The following ADGRV1 variants were observed in gnomAD, a reference collection of about 807,000 sequenced individuals.
The protein encoded by ADGRV1 is G-protein coupled receptor 98.
Under a neutral mutation model 596.2 loss-of-function variants are expected in ADGRV1, and 359 were observed. The observed-to-expected ratio is 0.60, with a 90% CI of 0.55 to 0.66. The LOEUF is 0.66. Among genes scored for constraint, ADGRV1 ranks in the 30% least tolerant of loss-of-function variants. The pLI, the probability that ADGRV1 is intolerant of heterozygous loss-of-function variation, is 0.00. For synonymous variants in ADGRV1, 2,681 were observed against 2,679.2 expected (o/e 1.00, Z -0.02); for missense variants, 7,274 against 7,575.6 (o/e 0.96, Z 1.48).
chr5:91,031,580 C>T (rs964471407), intron 85 of ADGRV1, among the ~76,000 whole-genome samples: 2 of 152,160 alleles, frequency 1.3e-5, no homozygotes, highest in Non-Finnish European at 2.9e-5. Flanking sequence ...TGGCAGGTCA[C>T]ACCCCACTCC....
In ADGRV1 at chr5:90,773,935, C is replaced by T. The variant is rs770287517; in HGVS notation, c.12286-251C>T. On this transcript the variant is annotated intron_variant, in intron 59 of 89. Coordinates refer to ENST00000405460, the MANE Select transcript of ADGRV1 (RefSeq NM_032119.4). ...CTTTCTTTAAAGATTGGATTTTCAACGGTTAACATTTTTCAGTAAATTTAG... is the reference window on the plus strand; with the variant it reads ...CTTTCTTTAAAGATTGGATTTTCAATGGTTAACATTTTTCAGTAAATTTAG... 7.2e-5 allele frequency among the ~76,000 whole-genome samples: 11 copies of T among 152,234 alleles called. No individual in the cohort carries two copies. In the South Asian group the frequency reaches 1.9e-3, roughly 26 times the overall value.
intron 87 of ADGRV1, among the ~76,000 whole-genome samples, chr5:91,133,872 C>T (rs1794415821): frequency 6.6e-6 from 1 of 152,124 alleles, no homozygotes; most frequent in African/African-American, 2.4e-5. Context: ...ATTAATTAGG[C>T]AATAACTGTG....
chr5:90,940,934 G>A (rs1325745947), intron 83 of ADGRV1, among the ~76,000 whole-genome samples: 1 of 152,162 alleles, frequency 6.6e-6, no homozygotes, highest in Non-Finnish European at 1.5e-5. Context: ...CTTCTGTGAA[G>A]GAGACACAGA....
chr5:90,918,333 C>T (rs771138970), intron 83 of ADGRV1, among the ~76,000 whole-genome samples: 13 of 152,128 alleles, frequency 8.5e-5, no homozygotes, highest in Non-Finnish European at 1.6e-4. Context: ...AGCCCAGATC[C>T]GGAGAGAAAT....
At position 90,849,476 on chromosome 5, in the gene ADGRV1, G is replaced by A. The variant is rs547859775; in HGVS notation, c.17204+655G>A. Among the ~76,000 whole-genome samples the A allele has an allele frequency of 1.1e-4, 16 of 152,046 alleles. No individual in the cohort carries two copies. The East Asian group carries it at 1.4e-3, about 13-fold the overall frequency. Reference sequence around the variant, plus strand: ...GGGGTCTCGGCTCACTTCAACCTCCGCCTCCTAGGCTTGGGTGATTCTCTC... The same window carrying A: ...GGGGTCTCGGCTCACTTCAACCTCCACCTCCTAGGCTTGGGTGATTCTCTC... On this transcript the variant is annotated intron_variant, in intron 79 of 89. Transcript: ENST00000405460.
intron 85 of ADGRV1, among the ~76,000 whole-genome samples, chr5:91,028,625 A>G (rs1486357628): frequency 6.6e-6 from 1 of 151,574 alleles, no homozygotes; most frequent in Admixed American, 6.6e-5. Context: ...AGTTTAAGAC[A>G]TCTCTACCAT....
chr5:90,781,355 A>T, intron 64 of ADGRV1, 75 bp from the exon 65 acceptor site: 1 of 1,128,846 alleles, frequency 8.9e-7, no homozygotes, highest in East Asian at 2.6e-5. Context: ...AGGATCTTTT[A>T]ATTCATGCTA....
chr5:90,999,717 T>C (rs1781708075), intron 85 of ADGRV1, among the ~76,000 whole-genome samples: 1 of 152,062 alleles, frequency 6.6e-6, no homozygotes, highest in Admixed American at 6.5e-5. Flanking sequence ...AGATTTCCAG[T>C]TGGAAAACTG....
chr5:90,916,628 C>T (rs994482651), intron 83 of ADGRV1, among the ~76,000 whole-genome samples: 1 of 97,168 alleles, frequency 1.0e-5, no homozygotes, highest in Non-Finnish European at 2.1e-5. Context: ...TCAGCGTTCA[C>T]AAATTTTTTT....
chr5:90,900,994 C>T (rs1771786148), intron 83 of ADGRV1, among the ~76,000 whole-genome samples: 1 of 151,986 alleles, frequency 6.6e-6, no homozygotes, highest in African/African-American at 2.4e-5. Flanking sequence ...AATTTTATTT[C>T]TATATGCAGG....
chr5:90,683,713 T>A lies in ADGRV1; in HGVS notation c.5792T>A (p.Ile1931Asn). Reference protein sequence around the residue: ...TFEIGQTSANITVEILPDEDP... With the variant: ...TFEIGQTSANNTVEILPDEDP... ...GAGATTGGGCAGACGAGCGCCAATA[T>A]CACTGTGGAGATATTGCCTGACGAA... is the stretch of plus-strand genomic sequence containing the variant. The change falls in exon 28 of 90, where the codon ATC becomes AAC. Residue 1931 changes from isoleucine to asparagine, a missense_variant. By Grantham distance (149) the Ile-to-Asn change is moderately radical (BLOSUM62 -3). Coordinates refer to ENST00000405460, the MANE Select transcript of ADGRV1 (RefSeq NM_032119.4). 1.2e-6 allele frequency: 2 copies of A among 1,613,870 alleles called. No individual in the cohort carries two copies. The highest frequency in any genetic ancestry group is 1.7e-5 in the Admixed American group (1 of 59,988).
chr5:90,753,340 G>A lies in ADGRV1; in HGVS notation c.11122-234G>A, dbSNP rs73772486. Among the ~76,000 whole-genome samples, 5,194 of 137,710 alleles carry A rather than the reference G, an allele frequency of 0.038. 136 individuals carry two copies. The highest frequency in any genetic ancestry group is 0.14 in the South Asian group (614 of 4,296). 90.3% of individuals were successfully genotyped at this position (137,710 alleles called of 152,430 possible). ...TCAGTCTCCAGTATTTGACAATTTG[G>A]CTGCATTTTTTTTTATTAGCTTAAA... On this transcript the variant is annotated intron_variant, in intron 53 of 89. Coordinates refer to ENST00000405460, the MANE Select transcript of ADGRV1 (RefSeq NM_032119.4).
intron 34 of ADGRV1, 141 bp downstream of exon 34, chr5:90,697,287 G>C: frequency 1.4e-6 from 1 of 731,248 alleles, no homozygotes; most frequent in Non-Finnish European, 2.2e-6. Flanking sequence ...GAACTTCTTT[G>C]GGAGAAGGCT....
At chr5:90,651,811 A>T (rs908223233) in intron 18 of ADGRV1, 81 bp downstream of exon 18, 3 of 893,070 alleles carry the variant, frequency 3.4e-6, no homozygotes, top group Non-Finnish European at 5.0e-6. Flanking sequence ...ATATTCCTTC[A>T]AAATTTAAAA....
At chr5:90,634,376 C>T (rs1343031406) in intron 9 of ADGRV1, among the ~76,000 whole-genome samples, 1 of 151,950 alleles carries the variant, frequency 6.6e-6, no homozygotes, top group East Asian at 1.9e-4. Flanking sequence ...GGACACAGAC[C>T]CACAAGAGCT....
Position 90,685,422 on chromosome 5 carries a change from A to G in ADGRV1, c.6275-358A>G, listed in dbSNP as rs542414851. Among the ~76,000 whole-genome samples, 4 of 152,100 alleles carry G rather than the reference A, an allele frequency of 2.6e-5. No individual in the cohort carries two copies. In the South Asian group the frequency reaches 8.3e-4, roughly 32 times the overall value. On this transcript the variant is annotated intron_variant, in intron 28 of 89. Coordinates refer to ENST00000405460, the MANE Select transcript of ADGRV1 (RefSeq NM_032119.4). Reference sequence around the variant, plus strand: ...ACATGGTGAAACCCCATCTCTACTAAAATATAAAAGAAATTAGCCGGGCAT... The same window carrying G: ...ACATGGTGAAACCCCATCTCTACTAGAATATAAAAGAAATTAGCCGGGCAT...
intron 59 of ADGRV1, among the ~76,000 whole-genome samples, chr5:90,772,115 A>G (rs1171345769): frequency 6.6e-6 from 1 of 152,196 alleles, no homozygotes; most frequent in Non-Finnish European, 1.5e-5. Context: ...ATATAAACAT[A>G]TAAAATATAG....
chr5:90,912,676 T>G (rs1184423247), intron 83 of ADGRV1, among the ~76,000 whole-genome samples: 1 of 152,124 alleles, frequency 6.6e-6, no homozygotes, highest in Non-Finnish European at 1.5e-5. Context: ...GTTATTTGGT[T>G]TTCTGTTCAT....
At chr5:90,825,690 G>T (rs2438379) in intron 76 of ADGRV1, 118,623 of 152,074 alleles carry the variant, frequency 0.78, 50,164 homozygotes, top group Non-Finnish European at 0.94. Flanking sequence ...AAGTATAGGT[G>T]GGGTTAGGGT....
Sources: gnomAD v4.1 joint callset for allele counts (sites outside exome capture counted in the v4.1 genomes callset) on GRCh38, gnomAD v4.1.1 for gene constraint, MANE v1.5 for transcripts, NCBI Gene and HGNC (gene_info 2026-07-23, HGNC 2026-07-21) for gene names.